The following RNF144B variants were observed in gnomAD, a reference collection of about 807,000 sequenced individuals.
The protein encoded by RNF144B is ring finger protein 144B, also known as E3 ubiquitin-protein ligase RNF144B.
In RNF144B, 25 loss-of-function variants were observed where a neutral mutation model predicts 40.2. The ratio of observed to expected loss-of-function variants is 0.62; its 90% CI spans 0.45 to 0.87. RNF144B has a LOEUF of 0.87. RNF144B is among the 40% of genes least tolerant of loss of function. The pLI is 0.00. For synonymous variants in RNF144B, 145 were observed against 136.3 expected, an observed-to-expected ratio of 1.06 and a Z score of -0.44; for missense variants, 365 against 373.7, an observed-to-expected ratio of 0.98 and a Z score of 0.19.
In RNF144B at chr6:18,446,275, C is replaced by A. The variant is rs190384674; in HGVS notation, c.331+6531C>A. On this transcript the variant is annotated intron_variant, in intron 4 of 7. Transcript: ENST00000259939. The surrounding 1 kb of genome is among the most constrained non-coding windows in gnomAD (Gnocchi z 4.7). Reference sequence around the variant, plus strand: ...GGATACTGGAATTATAATACATTTCCTTAAAAAACCCAGCTCTTTTACCTT... The same window carrying A: ...GGATACTGGAATTATAATACATTTCATTAAAAAACCCAGCTCTTTTACCTT... 2.0e-4 allele frequency among the ~76,000 whole-genome samples: 30 copies of A among 148,936 alleles called. No homozygotes were observed. Among genetic ancestry groups the A allele is most frequent in the Admixed American group, 8.9e-4 (13 of 14,588 alleles).
intron 3 of RNF144B, among the ~76,000 whole-genome samples, chr6:18,436,367 C>T (rs1279144069): frequency 6.6e-6 from 1 of 152,134 alleles, no homozygotes; most frequent in African/African-American, 2.4e-5. Flanking sequence ...AAAAAAAGAC[C>T]TTAGTGGAAC....
At position 18,457,662 on chromosome 6, in the gene RNF144B, C is replaced by T. The variant is rs922612125; in HGVS notation, c.536+303C>T. ...AGTAGGAAATCATGACTTGTTCCCG[C>T]TCTTTGCTCAGATACAGTATCTGCC... On this transcript the variant is annotated intron_variant, in intron 5 of 7. Coordinates refer to ENST00000259939, the MANE Select transcript of RNF144B (RefSeq NM_182757.4). This position sits in a 1 kb window ranked among gnomAD's most constrained non-coding sequence, Gnocchi z 5.1. Among the ~76,000 whole-genome samples the T allele has an allele frequency of 5.3e-5, 8 of 152,150 alleles. No individual in the cohort carries two copies. Among genetic ancestry groups the T allele is most frequent in the African/African-American group, 1.4e-4 (6 of 41,424 alleles).
rs186739369 is a variant in RNF144B at position 18,400,359 on chromosome 6, G to A, written c.165+660G>A. The stretch of plus-strand genomic sequence containing the variant: ...GTATTTTAAATGATGGAGAAGTCAG[G>A]TAGTAATTTACTTTATGTACTGAAT... On this transcript the variant is annotated intron_variant, in intron 2 of 7. Transcript: ENST00000259939. The surrounding 1 kb of genome is among the most constrained non-coding windows in gnomAD (Gnocchi z 5.6). Among the ~76,000 whole-genome samples the A allele has an allele frequency of 6.6e-6, 1 of 152,024 alleles. No homozygotes were observed. Among genetic ancestry groups the A allele is most frequent in the South Asian group, 2.1e-4 (1 of 4,822 alleles).
chr6:18,423,228 A>G (rs1015695655), intron 2 of RNF144B, among the ~76,000 whole-genome samples: 2 of 152,154 alleles, frequency 1.3e-5, no homozygotes, highest in African/African-American at 4.8e-5. Context: ...CATTTTATAA[A>G]TGAGAGCACT....
At chr6:18,426,954 G>C (rs1758569291) in intron 2 of RNF144B, among the ~76,000 whole-genome samples, 1 of 149,590 alleles carries the variant, frequency 6.7e-6, no homozygotes, top group Non-Finnish European at 1.5e-5. Flanking sequence ...CATCCACCAA[G>C]GCCCATATTT....
rs973636966 is a variant in RNF144B, at chr6:18,460,935, G to A, written c.681+1184G>A. Among the ~76,000 whole-genome samples the A allele has an allele frequency of 7.2e-5, 11 of 152,164 alleles. No homozygotes were observed. In the South Asian group the frequency reaches 1.2e-3, roughly 17 times the overall value. ...ACCTCTAAAATATGTCCATATCAGC[G>A]TAAGCCCTCAGTTACCATTGAGTTG... On this transcript the variant is annotated intron_variant, in intron 6 of 7. Coordinates refer to ENST00000259939, the MANE Select transcript of RNF144B (RefSeq NM_182757.4). This position sits in a 1 kb window ranked among gnomAD's most constrained non-coding sequence, Gnocchi z 4.4.
At position 18,425,336 on chromosome 6, in the gene RNF144B, A is replaced by G. The variant is rs1047573989; in HGVS notation, c.166-2245A>G. On this transcript the variant is annotated intron_variant, in intron 2 of 7. Transcript: ENST00000259939. The surrounding 1 kb of genome is among the most constrained non-coding windows in gnomAD (Gnocchi z 4.2). Reference sequence around the variant, plus strand: ...CTGCTGGGGGTCAGTGGGAAGATCAAGGCAGTAACAATGGAACAGGTGTGG... The same window carrying G: ...CTGCTGGGGGTCAGTGGGAAGATCAGGGCAGTAACAATGGAACAGGTGTGG... Among the ~76,000 whole-genome samples, 4 of 152,184 alleles carry G rather than the reference A, an allele frequency of 2.6e-5. No homozygotes were observed. Among genetic ancestry groups the G allele is most frequent in the Admixed American group, 6.6e-5 (1 of 15,264 alleles).
In RNF144B at chr6:18,448,073, G is replaced by A. The variant is rs1372122607; in HGVS notation, c.331+8329G>A. On this transcript the variant is annotated intron_variant, in intron 4 of 7. Coordinates refer to ENST00000259939, the MANE Select transcript of RNF144B (RefSeq NM_182757.4). The surrounding 1 kb of genome is among the most constrained non-coding windows in gnomAD (Gnocchi z 4.0). Reference sequence around the variant, plus strand: ...GGAATGACAGAGAAGTGCCAGCTTGGAGAGGGTTCAGGGTACTATGAGAAG... The same window carrying A: ...GGAATGACAGAGAAGTGCCAGCTTGAAGAGGGTTCAGGGTACTATGAGAAG... Among the ~76,000 whole-genome samples the A allele has an allele frequency of 6.6e-6, 1 of 152,170 alleles. No homozygotes were observed. The highest frequency in any genetic ancestry group is 2.4e-5 in the African/African-American group (1 of 41,438).
intron 2 of RNF144B, among the ~76,000 whole-genome samples, chr6:18,411,554 A>G (rs1303621690): frequency 7.9e-5 from 9 of 114,144 alleles, no homozygotes; most frequent in African/African-American, 3.1e-4. Flanking sequence ...CTCAGGGTGG[A>G]GTACAGTGGT....
Position 18,468,821 on chromosome 6 carries a change from A to C in RNF144B, c.*3754A>C, listed in dbSNP as rs1329807214. 6.6e-6 allele frequency: 1 copy of C among 152,148 alleles called. No homozygotes were observed. Among genetic ancestry groups the C allele is most frequent in the Non-Finnish European group, 1.5e-5 (1 of 68,022 alleles). The allele number at this position is 152,148 out of a possible 1,614,324, so 9.4% of individuals were successfully genotyped here. On this transcript the variant is annotated 3_prime_UTR_variant, in exon 8 of 8. Coordinates refer to ENST00000259939, the MANE Select transcript of RNF144B (RefSeq NM_182757.4). ...TGTTATATTTTTCCAATTTTTGGAG[A>C]AGAAAATAGCTGTTTAGGCTCTCTA...
chr6:18,390,098 G>T (rs186138752), intron 1 of RNF144B, among the ~76,000 whole-genome samples: 2 of 152,322 alleles, frequency 1.3e-5, no homozygotes, highest in East Asian at 3.9e-4. Flanking sequence ...AAGGTCAGAA[G>T]TGACTTGGGT....
At chr6:18,424,643 A>T (rs924290537) in intron 2 of RNF144B, among the ~76,000 whole-genome samples, 4 of 152,234 alleles carry the variant, frequency 2.6e-5, no homozygotes, top group African/African-American at 4.8e-5. Context: ...CACATCCATT[A>T]TAAGCTCTTG....
rs2113491736 is a variant in RNF144B at position 18,422,300 on chromosome 6, G to A, written c.166-5281G>A. The stretch of plus-strand genomic sequence containing the variant: ...TGTGTACAGATCATAGTCTGAAGTG[G>A]AATAAGCAGAATGTTGTTCTCAGTG... On this transcript the variant is annotated intron_variant, in intron 2 of 7. Transcript: ENST00000259939. This position sits in a 1 kb window ranked among gnomAD's most constrained non-coding sequence, Gnocchi z 4.7. 6.6e-6 allele frequency among the ~76,000 whole-genome samples: 1 copy of A among 152,276 alleles called. No homozygotes were observed. The highest frequency in any genetic ancestry group is 1.9e-4 in the East Asian group (1 of 5,184).
chr6:18,462,081 T>C (rs779681910), intron 6 of RNF144B, among the ~76,000 whole-genome samples: 6 of 152,234 alleles, frequency 3.9e-5, no homozygotes, highest in Non-Finnish European at 8.8e-5. Context: ...TGCATTCGGC[T>C]GTGTCACATT....
rs943253910 is a variant in RNF144B, at chr6:18,447,449, G to A, written c.331+7705G>A. ...GATTATGAAGATGAAGTCTTAGTGG[G>A]ATGAGAAGCCATTGGAGGGTTTGGA... On this transcript the variant is annotated intron_variant, in intron 4 of 7. Transcript: ENST00000259939. The surrounding 1 kb of genome is among the most constrained non-coding windows in gnomAD (Gnocchi z 5.6). Among the ~76,000 whole-genome samples, 16 of 152,152 alleles carry A rather than the reference G, an allele frequency of 1.1e-4. No homozygotes were observed. Among genetic ancestry groups the A allele is most frequent in the African/African-American group, 3.9e-4 (16 of 41,438 alleles).
At chr6:18,461,365 T>C (rs1007655884) in intron 6 of RNF144B, among the ~76,000 whole-genome samples, 3 of 152,248 alleles carry the variant, frequency 2.0e-5, no homozygotes, top group Non-Finnish European at 4.4e-5. Flanking sequence ...ATGAGGATTT[T>C]ACTGATTGTA....
rs1759138047 is a variant in RNF144B, at chr6:18,448,644, T to G, written c.332-8511T>G. On this transcript the variant is annotated intron_variant, in intron 4 of 7. Transcript: ENST00000259939. This position sits in a 1 kb window ranked among gnomAD's most constrained non-coding sequence, Gnocchi z 4.0. ...GTCACTGTTTTTCAAAGTATAGAACTGTGACCCAGAATAATAAATCCATTT... is the reference window on the plus strand; with the variant it reads ...GTCACTGTTTTTCAAAGTATAGAACGGTGACCCAGAATAATAAATCCATTT... Among the ~76,000 whole-genome samples the G allele has an allele frequency of 6.6e-6, 1 of 151,634 alleles. No individual in the cohort carries two copies. Among genetic ancestry groups the G allele is most frequent in the South Asian group, 2.1e-4 (1 of 4,814 alleles).
chr6:18,403,921 G>A (rs1434158038), intron 2 of RNF144B, among the ~76,000 whole-genome samples: 1 of 152,116 alleles, frequency 6.6e-6, no homozygotes, highest in African/African-American at 2.4e-5. Flanking sequence ...CACTCTGGCA[G>A]GAACTATTAA....
In RNF144B at chr6:18,414,377, T is replaced by G. The variant is rs1795105263; in HGVS notation, c.166-13204T>G. Among the ~76,000 whole-genome samples the G allele has an allele frequency of 6.6e-6, 1 of 152,110 alleles. No individual in the cohort carries two copies. Among genetic ancestry groups the G allele is most frequent in the South Asian group, 2.1e-4 (1 of 4,828 alleles). ...AGAAATAATATCTTCTTGAGGAAAC[T>G]GTTAAGCGTCACTCTTTCCCAACTT... On this transcript the variant is annotated intron_variant, in intron 2 of 7. Transcript: ENST00000259939. This position sits in a 1 kb window ranked among gnomAD's most constrained non-coding sequence, Gnocchi z 4.9.
Sources: allele counts gnomAD v4.1 joint callset (sites outside exome capture counted in the v4.1 genomes callset), GRCh38; gene constraint gnomAD v4.1.1; non-coding constraint Gnocchi (gnomAD v3.1); transcripts MANE v1.5; gene names NCBI Gene and HGNC (gene_info 2026-07-23, HGNC 2026-07-21).